Variants in ARHGDIB observed in about 807,000 individuals in gnomAD.
ARHGDIB encodes rho GDP-dissociation inhibitor 2.
ARHGDIB carries 20 observed loss-of-function variants against 22.6 expected under a neutral mutation model. That is an observed-to-expected ratio of 0.88 (90% CI 0.62 to 1.28). The LOEUF is 1.28. ARHGDIB is among the 50% of genes most tolerant of loss of function. The pLI, the probability that ARHGDIB is intolerant of heterozygous loss-of-function variation, is 0.00. For synonymous variants in ARHGDIB, 114 were observed against 96.1 expected (o/e 1.19, Z -1.09); for missense variants, 254 against 245.4 (o/e 1.04, Z -0.23).
chr12:14,957,205 A>C (rs937555322), intron 1 of ARHGDIB, among the ~76,000 whole-genome samples: 2 of 152,200 alleles, frequency 1.3e-5, no homozygotes, highest in Non-Finnish European at 2.9e-5. Context: ...CCTCAGTTTT[A>C]TCACCACTAA....
chr12:14,948,138 T>G (rs4764142), intron 3 of ARHGDIB, among the ~76,000 whole-genome samples, 189 bp from the exon 4 acceptor site: 113,042 of 147,928 alleles, frequency 0.76, 43,022 homozygotes, highest in Non-Finnish European at 0.82. Flanking sequence ...ACACACACAC[T>G]TAATGCCTGA....
chr12:14,955,961 C>A (rs1864292814), intron 1 of ARHGDIB, among the ~76,000 whole-genome samples: 1 of 152,118 alleles, frequency 6.6e-6, no homozygotes, highest in Admixed American at 6.6e-5. Context: ...TCATTTAGTT[C>A]TTACAGTAAC....
chr12:14,958,021 A>T (rs920909424), intron 1 of ARHGDIB, among the ~76,000 whole-genome samples: 1 of 152,174 alleles, frequency 6.6e-6, no homozygotes, highest in East Asian at 1.9e-4. Flanking sequence ...GCTGACTAGG[A>T]TATGTCTGAC....
intron 3 of ARHGDIB, 121 bp downstream of exon 3, chr12:14,949,681 G>A (rs1864120307): frequency 1.2e-6 from 1 of 848,020 alleles, no homozygotes; most frequent in African/African-American, 1.7e-5. Flanking sequence ...TTTGTTAACT[G>A]GTCCTAGCAT....
At chr12:14,949,431 A>G (rs1421561974) in intron 3 of ARHGDIB, among the ~76,000 whole-genome samples, 1 of 151,874 alleles carries the variant, frequency 6.6e-6, no homozygotes. Context: ...AGTGGATAGA[A>G]GATCAATACT....
chr12:14,949,883 G>A lies in ARHGDIB; in HGVS notation c.184C>T (p.Pro62Ser), dbSNP rs759402191. The stretch of plus-strand genomic sequence containing the variant: ...GTGACAACGACATTGGGGGCTTTCG[G>A]ATCTGCAGGATCGAAAGGGAATGTA... ...LLGDGPVVTD[P>S]KAPNVVVTRL... Residue 62 changes from proline (P) to serine (S), a missense_variant and splice_region_variant, in exon 3 of 6, where the codon CCG becomes TCG. Transcript: ENST00000228945. 1.9e-6 allele frequency: 3 copies of A among 1,612,886 alleles called. No homozygotes were observed. The South Asian group carries it at 3.3e-5, about 18-fold the overall frequency.
At chr12:14,946,972 T>A in intron 4 of ARHGDIB, among the ~76,000 whole-genome samples, 1 of 152,194 alleles carries the variant, frequency 6.6e-6, no homozygotes, top group East Asian at 1.9e-4. Flanking sequence ...ATTTCCAGGA[T>A]GAAATTATTT....
chr12:14,943,670 T>TA lies in ARHGDIB; in HGVS notation c.407-950dup, dbSNP rs746037300. Among the ~76,000 whole-genome samples the TA allele has an allele frequency of 9.0e-3, 1,333 of 147,648 alleles. 20 individuals carry two copies. The highest frequency in any genetic ancestry group is 0.028 in the African/African-American group (1,135 of 40,364). On this transcript the variant is annotated intron_variant, in intron 5 of 5. Transcript: ENST00000228945. ...TGGAACAACAACAGCAGTAAGTTGG[T>TA]AAAAAAAAAAGTGAAGAACTAGGAC...
At chr12:14,959,402 C>T (rs1205368730) in intron 1 of ARHGDIB, among the ~76,000 whole-genome samples, 1 of 152,144 alleles carries the variant, frequency 6.6e-6, no homozygotes, top group African/African-American at 2.4e-5. Flanking sequence ...AATTCAGAGG[C>T]ATTGTGGCTA....
intron 3 of ARHGDIB, among the ~76,000 whole-genome samples, chr12:14,948,439 T>C (rs1290975381): frequency 1.3e-5 from 2 of 152,224 alleles, no homozygotes; most frequent in Non-Finnish European, 2.9e-5. Flanking sequence ...TTTAAAATTC[T>C]ACTTGTTTTT....
At chr12:14,959,132 T>C (rs1291843767) in intron 1 of ARHGDIB, among the ~76,000 whole-genome samples, 2 of 152,044 alleles carry the variant, frequency 1.3e-5, no homozygotes, top group African/African-American at 4.8e-5. Flanking sequence ...AAAAAAATAA[T>C]AATAGGCCAT....
rs141476397 is a variant in ARHGDIB at position 14,958,396 on chromosome 12, G to T, written c.-13+3141C>A. Among the ~76,000 whole-genome samples, 67 of 152,308 alleles carry T rather than the reference G, an allele frequency of 4.4e-4. 1 individual carries two copies. Among genetic ancestry groups the T allele is most frequent in the Non-Finnish European group, 7.3e-4 (50 of 68,028 alleles). ...CAATAAATATTGTAATCAATCCAGA[G>T]AAGGGCACAAATTACTAGAAACGTA... On this transcript the variant is annotated intron_variant, in intron 1 of 5. Transcript: ENST00000228945.
At chr12:14,960,340 C>G (rs1462309332) in intron 1 of ARHGDIB, among the ~76,000 whole-genome samples, 1 of 152,162 alleles carries the variant, frequency 6.6e-6, no homozygotes, top group African/African-American at 2.4e-5. Flanking sequence ...AGCACTTCTC[C>G]TAATGGTGGC....
At chr12:14,954,637 A>G (rs527414964) in intron 1 of ARHGDIB, among the ~76,000 whole-genome samples, 1 of 152,314 alleles carries the variant, frequency 6.6e-6, no homozygotes, top group African/African-American at 2.4e-5. Flanking sequence ...GGGATGAGGG[A>G]TTAGAGCACA....
chr12:14,954,715 T>G (rs1385917767), intron 1 of ARHGDIB, among the ~76,000 whole-genome samples: 4 of 152,246 alleles, frequency 2.6e-5, no homozygotes, highest in Non-Finnish European at 5.9e-5. Flanking sequence ...ATGGGTCAGC[T>G]AAGTTACCAT....
intron 1 of ARHGDIB, among the ~76,000 whole-genome samples, chr12:14,958,026 T>C (rs903654424): frequency 6.6e-6 from 1 of 152,218 alleles, no homozygotes; most frequent in Non-Finnish European, 1.5e-5. Context: ...CTAGGATATG[T>C]CTGACTTCCC....
At chr12:14,950,505 C>T (rs759475322) in intron 2 of ARHGDIB, 27 bp downstream of exon 2, 2 of 1,577,204 alleles carry the variant, frequency 1.3e-6, no homozygotes, top group Admixed American at 3.7e-5. Context: ...CGATCTTCCA[C>T]CCACCCTGTT....
At chr12:14,942,994 G>A (rs997031297) in intron 5 of ARHGDIB, among the ~76,000 whole-genome samples, 16 of 151,758 alleles carry the variant, frequency 1.1e-4, no homozygotes, top group African/African-American at 3.4e-4. Flanking sequence ...TCAACCTCCC[G>A]AGCAGCTGGG....
chr12:14,949,564 C>A (rs983549786), intron 3 of ARHGDIB, among the ~76,000 whole-genome samples: 7 of 152,178 alleles, frequency 4.6e-5, no homozygotes, highest in Non-Finnish European at 4.4e-5. Context: ...AGACAAAAAT[C>A]TGTAAATATA....
Sources: gnomAD v4.1 joint callset for allele counts (sites outside exome capture counted in the v4.1 genomes callset) on GRCh38, gnomAD v4.1.1 for gene constraint, MANE v1.5 for transcripts, NCBI Gene and HGNC (gene_info 2026-07-23, HGNC 2026-07-21) for gene names.